The following SLC44A1 variants were observed in gnomAD, a reference collection of about 807,000 sequenced individuals.
The protein encoded by SLC44A1 is solute carrier family 44 member 1.
SLC44A1 carries 26 observed loss-of-function variants against 79.3 expected under a neutral mutation model. The ratio of observed to expected loss-of-function variants is 0.33; its 90% CI spans 0.24 to 0.46. SLC44A1 has a LOEUF of 0.46. SLC44A1 is among the 20% of genes least tolerant of loss of function. SLC44A1 has a pLI of 1.00. For missense variants in SLC44A1, 688 were observed against 798.1 expected, an observed-to-expected ratio of 0.86 and a Z score of 1.66; for synonymous variants, 263 against 286.2, an observed-to-expected ratio of 0.92 and a Z score of 0.82.
At chr9:105,380,510 G>A (rs747736170) in intron 13 of SLC44A1, among the ~76,000 whole-genome samples, 7 of 151,576 alleles carry the variant, frequency 4.6e-5, no homozygotes, top group East Asian at 1.9e-4. Context: ...AAAGTCATGC[G>A]CCCTATTAAG....
chr9:105,318,972 C>T (rs1384195240), intron 3 of SLC44A1, among the ~76,000 whole-genome samples: 1 of 152,118 alleles, frequency 6.6e-6, no homozygotes, highest in African/African-American at 2.4e-5. Flanking sequence ...TTACCTGACA[C>T]CTGTGAAGAT....
At chr9:105,323,465 T>C (rs1826464754) in intron 3 of SLC44A1, among the ~76,000 whole-genome samples, 1 of 152,150 alleles carries the variant, frequency 6.6e-6, no homozygotes, top group Admixed American at 6.5e-5. Flanking sequence ...GATCTTCATT[T>C]GTAAAATGAA....
At chr9:105,413,406 G>A (rs1384383433) in intron 15 of SLC44A1, among the ~76,000 whole-genome samples, 1 of 152,094 alleles carries the variant, frequency 6.6e-6, no homozygotes, top group Non-Finnish European at 1.5e-5. Context: ...CCCAATATAG[G>A]TGCCGCCCAT....
chr9:105,265,016 G>A (rs1173655525), intron 1 of SLC44A1, among the ~76,000 whole-genome samples: 1 of 152,060 alleles, frequency 6.6e-6, no homozygotes, highest in Non-Finnish European at 1.5e-5. Flanking sequence ...GGCTGGTCTC[G>A]AACTCCTGAC....
chr9:105,284,132 T>A (rs1830421591), intron 1 of SLC44A1, among the ~76,000 whole-genome samples: 1 of 152,174 alleles, frequency 6.6e-6, no homozygotes, highest in Non-Finnish European at 1.5e-5. Flanking sequence ...TCACTATAAC[T>A]ACCCAGGTAC....
At chr9:105,290,522 T>C (rs1460560883) in intron 1 of SLC44A1, among the ~76,000 whole-genome samples, 7 of 152,252 alleles carry the variant, frequency 4.6e-5, no homozygotes, top group Non-Finnish European at 8.8e-5. Context: ...ATTGTTTCTT[T>C]GATAATAGAG....
chr9:105,308,879 G>A (rs774270964), intron 2 of SLC44A1, among the ~76,000 whole-genome samples: 7 of 152,220 alleles, frequency 4.6e-5, no homozygotes, highest in Non-Finnish European at 1.0e-4. Context: ...CTTCTGGCTA[G>A]TAGCTTGCTG....
intron 1 of SLC44A1, among the ~76,000 whole-genome samples, chr9:105,276,640 A>G (rs1247402160): frequency 2.1e-5 from 3 of 144,430 alleles, no homozygotes; most frequent in Admixed American, 7.1e-5. Flanking sequence ...AGTTTACAAT[A>G]GGGTTGTCAC....
intron 15 of SLC44A1, among the ~76,000 whole-genome samples, chr9:105,425,009 C>G (rs1829302765): frequency 6.6e-6 from 1 of 150,680 alleles, no homozygotes; most frequent in Admixed American, 6.6e-5. Context: ...ATTTTGTTAA[C>G]TTAAATAACC....
At chr9:105,323,931 T>C (rs1250088148) in intron 3 of SLC44A1, among the ~76,000 whole-genome samples, 1 of 152,222 alleles carries the variant, frequency 6.6e-6, no homozygotes, top group Non-Finnish European at 1.5e-5. Flanking sequence ...ATGTCCTTTT[T>C]TGCCCACTGC....
In SLC44A1 at chr9:105,394,761, T is replaced by A; in HGVS notation, c.*5705T>A. 17 of 985,366 alleles carry A rather than the reference T, an allele frequency of 1.7e-5. No homozygotes were observed. The highest frequency in any genetic ancestry group is 1.9e-5 in the Non-Finnish European group (16 of 829,924). The allele number at this position is 985,366 out of a possible 1,614,324, so 61.0% of individuals were successfully genotyped here. A position where few individuals can be genotyped will look rare whatever the true frequency, so the allele number is the denominator to read the frequency against. ...GGCAAAAAATAAATTTGGTAGAAAGTTGGAGGAGCAGATGCTGAAGGTAGA... is the reference window on the plus strand; with the variant it reads ...GGCAAAAAATAAATTTGGTAGAAAGATGGAGGAGCAGATGCTGAAGGTAGA... On this transcript the variant is annotated 3_prime_UTR_variant, in exon 16 of 16. Coordinates refer to ENST00000374720, the MANE Select transcript of SLC44A1 (RefSeq NM_080546.5).
chr9:105,377,437 GC>G (rs1828324109), intron 13 of SLC44A1, among the ~76,000 whole-genome samples: 1 of 151,910 alleles, frequency 6.6e-6, no homozygotes, highest in Non-Finnish European at 1.5e-5. Context: ...TATTGAGTAT[GC>G]ATTATTTTTT....
At position 105,358,408 on chromosome 9, in the gene SLC44A1, G is replaced by A. The variant is rs146574269; in HGVS notation, c.735G>A (p.Thr245=). ...YISRVLVWIL[T]ILVILGSLGG... is the part of the protein sequence containing the mutation. ...CAAGAGTACTTGTGTGGATCTTAAC[G>A]ATTCTGGTCATACTCGGTTCACTTG... The change falls in exon 7 of 16, where the codon ACG becomes ACA. Residue 245 remains threonine, a synonymous_variant. Coordinates refer to ENST00000374720, the MANE Select transcript of SLC44A1 (RefSeq NM_080546.5). 44 of 1,598,000 alleles carry A rather than the reference G, an allele frequency of 2.8e-5. No individual in the cohort carries two copies. The highest frequency in any genetic ancestry group is 3.6e-5 in the Non-Finnish European group (42 of 1,165,878).
chr9:105,387,218 T>A (rs1001058030), intron 15 of SLC44A1, among the ~76,000 whole-genome samples: 2 of 151,480 alleles, frequency 1.3e-5, no homozygotes, highest in Non-Finnish European at 2.9e-5. Context: ...ATAAAACCTT[T>A]CCTCTGTAAC....
chr9:105,386,061 T>G (rs1432051948), intron 15 of SLC44A1: 1 of 985,234 alleles, frequency 1.0e-6, no homozygotes, highest in Non-Finnish European at 1.2e-6. Context: ...GCTGTTTTCA[T>G]CAATACCCAC....
intron 13 of SLC44A1, among the ~76,000 whole-genome samples, chr9:105,379,945 A>G (rs1828410838): frequency 6.6e-6 from 1 of 152,198 alleles, no homozygotes; most frequent in African/African-American, 2.4e-5. Flanking sequence ...AATATGAATT[A>G]TTACTTATAA....
At position 105,392,401 on chromosome 9, in the gene SLC44A1, C is replaced by CTTT. The variant is rs879388662; in HGVS notation, c.*3346_*3347insTTT. On this transcript the variant is annotated 3_prime_UTR_variant, in exon 16 of 16. Transcript: ENST00000374720. ...TTGTAGAGATGCTCTCTCTCTCTCT[C>CTTT]TCTTTTTTTTTTTTTTTTTTTTTTT... 72 of 319,024 alleles carry CTTT rather than the reference C, an allele frequency of 2.3e-4. No homozygotes were observed. Among genetic ancestry groups the CTTT allele is most frequent in the Middle Eastern group, 1.3e-3 (1 of 784 alleles). The allele number at this position is 319,024 out of a possible 1,614,324, so 19.8% of individuals were successfully genotyped here. A position where few individuals can be genotyped will look rare whatever the true frequency, so the allele number is the denominator to read the frequency against.
chr9:105,344,352 T>C (rs544341803), intron 4 of SLC44A1, among the ~76,000 whole-genome samples: 1 of 152,304 alleles, frequency 6.6e-6, no homozygotes, highest in African/African-American at 2.4e-5. Flanking sequence ...TTTTGCCTCC[T>C]CAAAGATAAT....
At chr9:105,262,747 T>C (rs1160641173) in intron 1 of SLC44A1, among the ~76,000 whole-genome samples, 3 of 152,214 alleles carry the variant, frequency 2.0e-5, no homozygotes, top group Non-Finnish European at 4.4e-5. Context: ...GGGTCCAGAA[T>C]GGATTCAGGG....
Sources: gnomAD v4.1 joint callset for allele counts (sites outside exome capture counted in the v4.1 genomes callset) on GRCh38, gnomAD v4.1.1 for gene constraint, MANE v1.5 for transcripts, NCBI Gene and HGNC (gene_info 2026-07-23, HGNC 2026-07-21) for gene names.